MEGF11: variants seen among roughly 807,000 people sequenced by gnomAD.
MEGF11 encodes multiple epidermal growth factor-like domains protein 11.
Under a neutral mutation model 146.6 loss-of-function variants are expected in MEGF11, and 126 were observed. That is an observed-to-expected ratio of 0.86 (90% CI 0.74 to 1.00). The LOEUF is 1.00. Ranked by LOEUF, MEGF11 falls within the 50% of genes least tolerant of loss-of-function variation. The pLI is 0.00. For missense variants in MEGF11, 1,509 were observed against 1,521.2 expected (o/e 0.99, Z 0.13); for synonymous variants, 532 against 583.4 (o/e 0.91, Z 1.27).
intron 5 of MEGF11, among the ~76,000 whole-genome samples, chr15:65,997,356 T>C (rs1223172280): frequency 6.6e-6 from 1 of 152,168 alleles, no homozygotes; most frequent in Non-Finnish European, 1.5e-5. Context: ...CAACAAGACT[T>C]GATTGCTATG....
At position 66,173,966 on chromosome 15, in the gene MEGF11, T is replaced by A. The variant is rs200591878; in HGVS notation, c.-8-45555A>T. On this transcript the variant is annotated intron_variant, in intron 1 of 25. Transcript: ENST00000395614. ...CTCAGAGGGGCCGACCCTGCCTTCC[T>A]CTATAGCCTGAGACATGCTCCCATA... Among the ~76,000 whole-genome samples, 72 of 152,314 alleles carry A rather than the reference T, an allele frequency of 4.7e-4. No homozygotes were observed. The East Asian group carries it at 6.6e-3, about 14-fold the overall frequency.
intron 1 of MEGF11, among the ~76,000 whole-genome samples, chr15:66,190,723 C>T (rs2090846180): frequency 6.6e-6 from 1 of 152,158 alleles, no homozygotes; most frequent in South Asian, 2.1e-4. Context: ...CTGGCGCCTC[C>T]ATTCACCCCC....
intron 1 of MEGF11, among the ~76,000 whole-genome samples, chr15:66,229,780 C>T (rs908864660): frequency 6.6e-6 from 1 of 152,080 alleles, no homozygotes; most frequent in Non-Finnish European, 1.5e-5. Context: ...TGGGTGGAGG[C>T]CCCAGGACAA....
intron 1 of MEGF11, among the ~76,000 whole-genome samples, chr15:66,229,663 G>C (rs1219308992): frequency 6.6e-6 from 1 of 152,160 alleles, no homozygotes; most frequent in Non-Finnish European, 1.5e-5. Flanking sequence ...GAATCTCTGA[G>C]TCTCTCTCTG....
At chr15:66,128,208 A>T in intron 2 of MEGF11, 98 bp downstream of exon 2, 1 of 712,742 alleles carries the variant, frequency 1.4e-6, no homozygotes, top group Non-Finnish European at 2.2e-6. Flanking sequence ...AGACCCTTAG[A>T]GGGCAGCTCC....
chr15:65,943,335 A>G (rs929407898), intron 10 of MEGF11, among the ~76,000 whole-genome samples: 1 of 152,044 alleles, frequency 6.6e-6, no homozygotes, highest in Non-Finnish European at 1.5e-5. Context: ...GGGAAAACCT[A>G]TGTTGGGTGT....
chr15:66,025,614 T>C (rs943804345), intron 5 of MEGF11, among the ~76,000 whole-genome samples: 39 of 151,532 alleles, frequency 2.6e-4, no homozygotes, highest in African/African-American at 9.2e-4. Flanking sequence ...ATGGGAATGA[T>C]GATGAAACCT....
At chr15:66,197,702 G>A (rs971915651) in intron 1 of MEGF11, among the ~76,000 whole-genome samples, 2 of 152,286 alleles carry the variant, frequency 1.3e-5, no homozygotes, top group South Asian at 2.1e-4. Context: ...GATTACAGGC[G>A]TGAGCCACTG....
Position 65,922,934 on chromosome 15 carries a change from A to C in MEGF11, c.1711T>G (p.Trp571Gly), listed in dbSNP as rs1342934847. 1 of 1,613,194 alleles carries C rather than the reference A, an allele frequency of 6.2e-7. No individual in the cohort carries two copies. The highest frequency in any genetic ancestry group is 1.3e-5 in the African/African-American group (1 of 75,048). Residue 571 changes from tryptophan (W) to glycine (G), a missense_variant, in exon 14 of 26, where the codon TGG (tryptophan) becomes GGG (glycine). Transcript: ENST00000395614. The stretch of plus-strand genomic sequence containing the variant: ...CAGGAGACAGAGCAGTTGGGGCCCC[A>C]GCGGCCAGGTGGACACGTGCTGTCA... Reference protein sequence around the residue: ...RCDSTCPPGRWGPNCSVSCSC... With the variant: ...RCDSTCPPGRGGPNCSVSCSC...
chr15:65,999,240 G>A (rs1443541390), intron 5 of MEGF11, among the ~76,000 whole-genome samples: 1 of 151,732 alleles, frequency 6.6e-6, no homozygotes, highest in Non-Finnish European at 1.5e-5. Flanking sequence ...ACGTTGCCCA[G>A]GCTGGTCTCA....
intron 6 of MEGF11, among the ~76,000 whole-genome samples, chr15:65,981,101 C>A (rs1292814082): frequency 2.6e-5 from 4 of 152,146 alleles, no homozygotes; most frequent in Non-Finnish European, 5.9e-5. Context: ...GTGCTTGGGC[C>A]AATACTTGTG....
intron 1 of MEGF11, among the ~76,000 whole-genome samples, chr15:66,211,368 A>AC (rs551897190): frequency 2.0e-4 from 29 of 144,188 alleles, no homozygotes; most frequent in Admixed American, 8.2e-4. Context: ...CTAAAAATAC[A>AC]AAAAAATTAG....
rs1342135949 is a variant in MEGF11, at chr15:66,128,305, C to T, written c.98+1G>A. The stretch of plus-strand genomic sequence containing the variant: ...CTGGCCATCTGAGGCCCACACCTTA[C>T]CTCTCCCAGTGGCTGCACACGTTGG... On this transcript the variant is annotated splice_donor_variant, in intron 2 of 25. Transcript: ENST00000395614. LOFTEE classifies it high-confidence loss of function. The T allele has an allele frequency of 1.3e-5, 20 of 1,498,634 alleles. No homozygotes were observed. The highest frequency in any genetic ancestry group is 1.7e-5 in the Non-Finnish European group (19 of 1,122,068). 92.8% of individuals were successfully genotyped at this position (1,498,634 alleles called of 1,614,324 possible).
chr15:66,001,177 G>T lies in MEGF11; in HGVS notation c.395-18689C>A, dbSNP rs376131371. ...GTGCCAGTAAGTGCATGTTGGAGAGGCTCCCTGCTGCTCTCAGATGCTGCT... is the reference window on the plus strand; with the variant it reads ...GTGCCAGTAAGTGCATGTTGGAGAGTCTCCCTGCTGCTCTCAGATGCTGCT... On this transcript the variant is annotated intron_variant, in intron 5 of 25. Coordinates refer to ENST00000395614, the MANE Select transcript of MEGF11 (RefSeq NM_001385028.1). 7.9e-5 allele frequency among the ~76,000 whole-genome samples: 12 copies of T among 152,220 alleles called. No homozygotes were observed. The South Asian group carries it at 1.7e-3, about 21-fold the overall frequency.
At chr15:66,252,403 T>A (rs1246926466) in intron 1 of MEGF11, among the ~76,000 whole-genome samples, 2 of 152,190 alleles carry the variant, frequency 1.3e-5, no homozygotes, top group Non-Finnish European at 2.9e-5. Context: ...CTCTCGGCTC[T>A]TGGAGGGATG....
At chr15:66,067,554 C>T (rs1356699872) in intron 5 of MEGF11, among the ~76,000 whole-genome samples, 3 of 152,222 alleles carry the variant, frequency 2.0e-5, no homozygotes, top group Non-Finnish European at 4.4e-5. Flanking sequence ...CAGCATCCTA[C>T]CTGTGGCAGG....
intron 1 of MEGF11, among the ~76,000 whole-genome samples, chr15:66,232,591 C>G (rs2091990405): frequency 6.6e-6 from 1 of 152,206 alleles, no homozygotes; most frequent in Admixed American, 6.5e-5. Flanking sequence ...CATTTCCCAG[C>G]TGGCACTCCA....
intron 4 of MEGF11, among the ~76,000 whole-genome samples, chr15:66,101,851 G>A (rs968788077): frequency 2.0e-5 from 3 of 152,140 alleles, no homozygotes; most frequent in Non-Finnish European, 2.9e-5. Flanking sequence ...CAGTGACTCT[G>A]CATCAAAGCC....
At chr15:66,026,994 C>T (rs1488601066) in intron 5 of MEGF11, among the ~76,000 whole-genome samples, 1 of 152,186 alleles carries the variant, frequency 6.6e-6, no homozygotes, top group Non-Finnish European at 1.5e-5. Context: ...ACACATATCC[C>T]ACCTGCAGTG....
Sources: allele counts gnomAD v4.1 joint callset (sites outside exome capture counted in the v4.1 genomes callset), GRCh38; gene constraint gnomAD v4.1.1; transcripts MANE v1.5; gene names NCBI Gene and HGNC (gene_info 2026-07-23, HGNC 2026-07-21).